Variants in CEP63 observed in about 807,000 individuals in gnomAD.
The protein encoded by CEP63 is centrosomal protein of 63 kDa.
Under a neutral mutation model 89.1 loss-of-function variants are expected in CEP63, and 84 were observed. That is an observed-to-expected ratio of 0.94 (90% CI 0.79 to 1.13). CEP63 has a LOEUF of 1.13. CEP63 is among the 50% of genes most tolerant of loss of function. The pLI is 0.00. For missense variants in CEP63, 838 were observed against 813.3 expected (o/e 1.03, Z -0.37); for synonymous variants, 267 against 272.5 (o/e 0.98, Z 0.20).
chr3:134,697,649 A>C, the CEP63 span, among the ~76,000 whole-genome samples: 1 of 152,068 alleles, frequency 6.6e-6, no homozygotes, highest in Admixed American at 6.5e-5. Flanking sequence ...CTGCACACAC[A>C]CTGCTCACAG....
the CEP63 span, chr3:134,625,263 A>G: frequency 4.0e-6 from 3 of 757,428 alleles, no homozygotes; most frequent in Non-Finnish European, 6.7e-6. Flanking sequence ...AGCCTGAAAC[A>G]TTGAGCCTAA....
At chr3:134,725,517 T>C in the CEP63 span, among the ~76,000 whole-genome samples, 45 of 152,178 alleles carry the variant, frequency 3.0e-4, no homozygotes, top group African/African-American at 1.0e-3. Context: ...AGTCCTAAGT[T>C]GCCAGGTTTT....
the CEP63 span, among the ~76,000 whole-genome samples, chr3:134,757,504 G>T: frequency 1.3e-5 from 2 of 152,138 alleles, no homozygotes; most frequent in African/African-American, 4.8e-5. Context: ...TATTAAATAT[G>T]GACAGGATTT....
chr3:134,744,557 C>T, the CEP63 span, among the ~76,000 whole-genome samples: 10 of 152,186 alleles, frequency 6.6e-5, no homozygotes, highest in Admixed American at 5.9e-4. Context: ...AATGAATTAT[C>T]AGGCTGGAGT....
chr3:134,547,628 T>TTTTTTTTTTTTTTTTTTTTTTTTTTTTC (rs1182808443), intron 9 of CEP63, among the ~76,000 whole-genome samples, 156 bp downstream of exon 9: 1 of 122,610 alleles, frequency 8.2e-6, no homozygotes, highest in Admixed American at 8.4e-5. Context: ...TTTTTTTTTT[T>TTTTTTTTTTTTTTTTTTTTTTTTTTTTC]TGAGACGGAG....
At chr3:134,595,541 A>T in the CEP63 span, among the ~76,000 whole-genome samples, 2 of 152,142 alleles carry the variant, frequency 1.3e-5, no homozygotes, top group Non-Finnish European at 2.9e-5. Flanking sequence ...TCCATTGTCT[A>T]TGGATCACTA....
the CEP63 span, among the ~76,000 whole-genome samples, chr3:134,705,257 G>C: frequency 6.6e-6 from 1 of 152,158 alleles, no homozygotes; most frequent in Admixed American, 6.5e-5. Flanking sequence ...TTCTAGGGAG[G>C]GTTTTTGTGC....
chr3:134,511,255 C>A, intron 3 of CEP63: 1 of 166,956 alleles, frequency 6.0e-6, no homozygotes, highest in Non-Finnish European at 1.3e-5. Flanking sequence ...CACTTTGTCA[C>A]CTTTTCATTT....
At chr3:134,728,205 C>G in the CEP63 span, among the ~76,000 whole-genome samples, 4 of 152,276 alleles carry the variant, frequency 2.6e-5, no homozygotes, top group East Asian at 7.7e-4. Flanking sequence ...AGTAAGAGTT[C>G]TTAATTTCAG....
the CEP63 span, among the ~76,000 whole-genome samples, chr3:134,668,642 CT>C: frequency 6.6e-6 from 1 of 152,192 alleles, no homozygotes; most frequent in Non-Finnish European, 1.5e-5. Flanking sequence ...AAGTCACTTT[CT>C]GTCTGAGTGG....
chr3:134,532,895 A>G lies in CEP63; in HGVS notation c.436A>G (p.Ile146Val). The change falls in exon 5 of 15, where the codon ATA (isoleucine) becomes GTA (valine). Residue 146 changes from isoleucine (I) to valine (V), a missense_variant. Physicochemically the swap from Ile to Val is conservative, Grantham distance 29. Transcript: ENST00000675561. The part of the protein sequence containing the change: ...RSEIERLTAK[I>V]EEFRQKSLDW... ...TGAAATTGAGAGGTTAACTGCAAAA[A>G]TAGAGGTATGTTCATAGTAATAATT... is the stretch of plus-strand genomic sequence containing the variant. 1 of 1,613,676 alleles carries G rather than the reference A, an allele frequency of 6.2e-7. No homozygotes were observed. Among genetic ancestry groups the G allele is most frequent in the Non-Finnish European group, 8.5e-7 (1 of 1,179,746 alleles).
chr3:134,752,233 T>A, the CEP63 span, among the ~76,000 whole-genome samples: 7 of 152,184 alleles, frequency 4.6e-5, no homozygotes, highest in Non-Finnish European at 7.4e-5. Flanking sequence ...CAAGAGTAGA[T>A]GTTTTTGGGT....
At chr3:134,486,274 A>G in intron 1 of CEP63, 72 bp downstream of exon 1, 3 of 985,570 alleles carry the variant, frequency 3.0e-6, no homozygotes, top group East Asian at 1.1e-4. Flanking sequence ...TGGAGGGGCA[A>G]GGGGCTGCCG....
chr3:134,610,628 CTCCCCT>C, the CEP63 span: 1 of 465,802 alleles, frequency 2.1e-6, no homozygotes, highest in South Asian at 3.4e-5. Context: ...CTGTCTGCTC[CTCCCCT>C]GAGACCAACA....
At chr3:134,680,829 A>G in the CEP63 span, among the ~76,000 whole-genome samples, 3 of 152,220 alleles carry the variant, frequency 2.0e-5, no homozygotes, top group African/African-American at 7.2e-5. Flanking sequence ...GCAGTTTTAC[A>G]AGGACTTCAA....
the CEP63 span, among the ~76,000 whole-genome samples, chr3:134,654,804 C>T: frequency 6.6e-6 from 1 of 152,106 alleles, no homozygotes; most frequent in Non-Finnish European, 1.5e-5. Flanking sequence ...ATAGAAGGAA[C>T]TGGAGCCATT....
chr3:134,718,437 A>G, the CEP63 span, among the ~76,000 whole-genome samples: 1 of 152,140 alleles, frequency 6.6e-6, no homozygotes. Flanking sequence ...TTTGTGTTTG[A>G]TTTCTGAGTC....
chr3:134,627,685 T>C, the CEP63 span: 9 of 1,394,114 alleles, frequency 6.5e-6, no homozygotes, highest in East Asian at 2.3e-5. Context: ...CAACTGTCAA[T>C]TGGAGATTAG....
intron 10 of CEP63, among the ~76,000 whole-genome samples, chr3:134,584,874 C>T (rs1958445282): frequency 1.3e-5 from 2 of 151,070 alleles, no homozygotes; most frequent in African/African-American, 4.9e-5. Flanking sequence ...TTGGTCTATT[C>T]AGAGATTCAA....
Sources: gnomAD v4.1 joint callset for allele counts (sites outside exome capture counted in the v4.1 genomes callset) on GRCh38, gnomAD v4.1.1 for gene constraint, MANE v1.5 for transcripts, NCBI Gene and HGNC (gene_info 2026-07-23, HGNC 2026-07-21) for gene names.